Variants in FDFT1 observed in about 807,000 individuals in gnomAD.
FDFT1 encodes the protein squalene synthase.
Under a neutral mutation model 46.8 loss-of-function variants are expected in FDFT1, and 68 were observed. The ratio of observed to expected loss-of-function variants is 1.45; its 90% CI spans 1.19 to 1.78. The LOEUF (loss-of-function observed/expected upper bound fraction) is 1.78, where lower values mean the gene tolerates loss of function less well. Ranked by LOEUF, FDFT1 falls within the 40% of genes most tolerant of loss-of-function variation. FDFT1 has a pLI of 0.00. For synonymous variants in FDFT1, 351 were observed against 185.1 expected (o/e 1.90, Z -7.28); for missense variants, 928 against 524.4 (o/e 1.77, Z -7.52).
intron 3 of FDFT1, among the ~76,000 whole-genome samples, chr8:11,812,547 C>G (rs753823295): frequency 1.1e-4 from 16 of 152,318 alleles, no homozygotes; most frequent in African/African-American, 3.8e-4. Flanking sequence ...CTCTGAGGGA[C>G]TAAGAATTCT....
chr8:11,826,800 G>C (rs565131765), intron 5 of FDFT1, among the ~76,000 whole-genome samples: 1 of 152,254 alleles, frequency 6.6e-6, no homozygotes, highest in African/African-American at 2.4e-5. Flanking sequence ...GGGCGACAGA[G>C]TGAGACTCCC....
intron 1 of FDFT1, chr8:11,807,926 A>G (rs1038029595): frequency 2.0e-5 from 3 of 152,280 alleles, no homozygotes; most frequent in Non-Finnish European, 2.9e-5. Context: ...TCCACTGCGA[A>G]TACAAAGAAA....
chr8:11,808,734 TCCCACTC>T, intron 1 of FDFT1, 53 bp from the exon 2 acceptor site: 1 of 1,568,140 alleles, frequency 6.4e-7, no homozygotes, highest in Non-Finnish European at 8.6e-7. Flanking sequence ...CCACTCCCAC[TCCCACTC>T]CCACTCCTGC....
chr8:11,808,961 T>C, intron 2 of FDFT1, 70 bp downstream of exon 2: 6 of 1,563,618 alleles, frequency 3.8e-6, no homozygotes, highest in Admixed American at 1.9e-5. Context: ...TGTTGGAAGC[T>C]ACCTTTTGAT....
chr8:11,818,409 A>G (rs866306863), intron 3 of FDFT1, among the ~76,000 whole-genome samples: 1 of 152,296 alleles, frequency 6.6e-6, no homozygotes, highest in African/African-American at 2.4e-5. Flanking sequence ...CAAGTCCTGG[A>G]TATCCTTGTT....
intron 1 of FDFT1, among the ~76,000 whole-genome samples, chr8:11,807,785 C>T (rs940966878): frequency 6.6e-6 from 1 of 152,164 alleles, no homozygotes; most frequent in Non-Finnish European, 1.5e-5. Flanking sequence ...GGCTGGCTTT[C>T]TAGAGAATAG....
intron 2 of FDFT1, chr8:11,809,368 C>G (rs975666267): frequency 5.3e-6 from 6 of 1,141,694 alleles, no homozygotes; most frequent in Admixed American, 4.4e-5. Flanking sequence ...TTAGTTCGGT[C>G]TAAACGTTTG....
intron 3 of FDFT1, among the ~76,000 whole-genome samples, chr8:11,814,893 A>C (rs902855180): frequency 6.6e-6 from 1 of 152,056 alleles, no homozygotes; most frequent in Admixed American, 6.6e-5. Context: ...TTATACTTTA[A>C]GTTCTAGGGT....
At chr8:11,811,732 G>A (rs1807741769) in intron 3 of FDFT1, among the ~76,000 whole-genome samples, 1 of 152,242 alleles carries the variant, frequency 6.6e-6, no homozygotes, top group African/African-American at 2.4e-5. Context: ...AAGAGTAAAA[G>A]GGAGCAGAAG....
At chr8:11,798,336 A>G (rs1805774016), upstream of FDFT1, among the ~76,000 whole-genome samples, 1 of 152,204 alleles carries the variant, frequency 6.6e-6, no homozygotes, top group Non-Finnish European at 1.5e-5. Context: ...CTGGGATTAC[A>G]GGTGTGAGCC....
At chr8:11,808,770 G>A (rs1202089353) in intron 1 of FDFT1, 24 bp from the exon 2 acceptor site, 8 of 1,602,694 alleles carry the variant, frequency 5.0e-6, no homozygotes, top group East Asian at 2.2e-5. Flanking sequence ...GTCTCCCACC[G>A]CCGTGTGTGT....
At chr8:11,825,199 C>T (rs999228592) in intron 4 of FDFT1, among the ~76,000 whole-genome samples, 4 of 152,106 alleles carry the variant, frequency 2.6e-5, no homozygotes, top group Admixed American at 2.6e-4. Flanking sequence ...CCAGAATATT[C>T]CATCTTTCAT....
At chr8:11,833,108 C>T (rs150317701) in intron 7 of FDFT1, among the ~76,000 whole-genome samples, 30 of 152,298 alleles carry the variant, frequency 2.0e-4, no homozygotes, top group African/African-American at 6.0e-4. Flanking sequence ...AAGACCACAT[C>T]GCTTTTAAAA....
At chr8:11,801,642 AT>A (rs555164219), upstream of FDFT1, 158 of 235,582 alleles carry the variant, frequency 6.7e-4, 3 homozygotes, top group African/African-American at 3.6e-3. Flanking sequence ...TTTTAAAAGG[AT>A]TACTGGTTGC....
intron 7 of FDFT1, 112 bp downstream of exon 7, chr8:11,831,782 G>A: frequency 1.1e-6 from 1 of 901,074 alleles, no homozygotes; most frequent in Non-Finnish European, 1.8e-6. Context: ...ACTATCCTGT[G>A]GCCTAAAGAG....
intron 4 of FDFT1, among the ~76,000 whole-genome samples, chr8:11,825,710 TAAAA>T (rs894442581): frequency 2.0e-5 from 3 of 150,196 alleles, no homozygotes; most frequent in African/African-American, 7.3e-5. Context: ...AAAATAAAAA[TAAAA>T]AAATGTTTAC....
At chr8:11,807,602 A>G (rs1419003413) in intron 1 of FDFT1, among the ~76,000 whole-genome samples, 2 of 152,254 alleles carry the variant, frequency 1.3e-5, no homozygotes, top group Non-Finnish European at 2.9e-5. Context: ...ATAGTCCATG[A>G]AAAAATACAT....
rs111696017 is a variant in FDFT1 at position 11,829,658 on chromosome 8, A to C, written c.703-586A>C. On this transcript the variant is annotated intron_variant, in intron 5 of 7. Transcript: ENST00000220584. ...CTCTTTAGCCTGAATTCGTCCAAGT[A>C]GTGCAGTGTTGCACTAGTTGTCCCT... Among the ~76,000 whole-genome samples, 87 of 152,236 alleles carry C rather than the reference A, an allele frequency of 5.7e-4. 1 individual carries two copies. The highest frequency in any genetic ancestry group is 2.0e-3 in the African/African-American group (85 of 41,570).
At chr8:11,809,526 A>G in intron 2 of FDFT1, 141 bp from the exon 3 acceptor site, 4 of 1,314,848 alleles carry the variant, frequency 3.0e-6, no homozygotes, top group Non-Finnish European at 3.9e-6. Context: ...TTCGTTAAGT[A>G]TGAAAAGCGT....
Sources: allele counts gnomAD v4.1 joint callset (sites outside exome capture counted in the v4.1 genomes callset), GRCh38; gene constraint gnomAD v4.1.1; transcripts MANE v1.5; gene names NCBI Gene and HGNC (gene_info 2026-07-23, HGNC 2026-07-21).